Variants in CSMD2 observed in about 807,000 individuals in gnomAD.
CSMD2 encodes CUB and Sushi multiple domains 2, also known as CUB and sushi domain-containing protein 2.
CSMD2 carries 130 observed loss-of-function variants against 398.5 expected under a neutral mutation model. The observed-to-expected ratio is 0.33, with a 90% CI of 0.28 to 0.38. CSMD2 has a LOEUF of 0.38. CSMD2 is among the 10% of genes least tolerant of loss of function. The pLI is 1.00. For synonymous variants in CSMD2, 1,828 were observed against 1,908.5 expected, an observed-to-expected ratio of 0.96 and a Z score of 1.10; for missense variants, 3,829 against 4,764.9, an observed-to-expected ratio of 0.80 and a Z score of 5.78.
At chr1:33,652,668 C>T (rs569615620) in intron 27 of CSMD2, among the ~76,000 whole-genome samples, 11 of 152,312 alleles carry the variant, frequency 7.2e-5, no homozygotes, top group Admixed American at 3.9e-4. Context: ...GGTTGCGCAA[C>T]ATTTCGAAAG....
chr1:34,104,642 C>T (rs1660343834), intron 1 of CSMD2, among the ~76,000 whole-genome samples: 1 of 152,148 alleles, frequency 6.6e-6, no homozygotes, highest in African/African-American at 2.4e-5. Flanking sequence ...ATCATCACGC[C>T]CGCTGAAGGT....
At chr1:33,765,565 C>A (rs1464247604) in intron 13 of CSMD2, among the ~76,000 whole-genome samples, 7 of 152,086 alleles carry the variant, frequency 4.6e-5, no homozygotes, top group Admixed American at 2.0e-4. Context: ...GATGGAGTAA[C>A]AAATTATATT....
intron 5 of CSMD2, among the ~76,000 whole-genome samples, chr1:33,917,160 C>T (rs1467160318): frequency 2.0e-5 from 3 of 152,210 alleles, no homozygotes; most frequent in African/African-American, 7.2e-5. Context: ...GCTATTCCCA[C>T]TGCGGCACCC....
At chr1:33,740,787 G>T (rs1293676690) in intron 14 of CSMD2, among the ~76,000 whole-genome samples, 1 of 152,176 alleles carries the variant, frequency 6.6e-6, no homozygotes, top group Non-Finnish European at 1.5e-5. Flanking sequence ...ACACATGTAG[G>T]CACAGATACA....
intron 3 of CSMD2, among the ~76,000 whole-genome samples, chr1:33,958,219 C>T (rs1380371960): frequency 1.3e-5 from 2 of 152,158 alleles, no homozygotes; most frequent in Non-Finnish European, 2.9e-5. Flanking sequence ...TGATTACTTA[C>T]CCCCTCTCTG....
rs1160250577 is a variant in CSMD2 at position 33,549,664 on chromosome 1, CTAGG to C, written c.8917+509_8917+512del. Among the ~76,000 whole-genome samples, 3 of 152,264 alleles carry C rather than the reference CTAGG, an allele frequency of 2.0e-5. No homozygotes were observed. The East Asian group carries it at 5.8e-4, about 29-fold the overall frequency. ...CAGTAGAGAAGAAGACTGTACCCCA[CTAGG>C]TAGCCAGGACATAGGACAAGTTGAG... is the stretch of plus-strand genomic sequence containing the variant. On this transcript the variant is annotated intron_variant, in intron 56 of 70. Coordinates refer to ENST00000373381, the MANE Select transcript of CSMD2 (RefSeq NM_001281956.2).
chr1:33,883,180 T>G (rs1245945137), intron 5 of CSMD2, among the ~76,000 whole-genome samples: 1 of 152,222 alleles, frequency 6.6e-6, no homozygotes, highest in African/African-American at 2.4e-5. Context: ...TTCCATAGAA[T>G]GGACATTTAG....
intron 52 of CSMD2, among the ~76,000 whole-genome samples, chr1:33,568,848 C>T (rs528315456): frequency 6.6e-6 from 1 of 151,932 alleles, no homozygotes; most frequent in African/African-American, 2.4e-5. Context: ...CTCCAGGGGT[C>T]CAAGAAAGGT....
intron 6 of CSMD2, among the ~76,000 whole-genome samples, chr1:33,841,200 G>C (rs1247697380): frequency 1.3e-5 from 2 of 152,212 alleles, no homozygotes; most frequent in Non-Finnish European, 2.9e-5. Flanking sequence ...GCTGGGATCT[G>C]ACTGAAGGGA....
At chr1:33,606,540 G>A (rs1159162848) in intron 41 of CSMD2, among the ~76,000 whole-genome samples, 2 of 152,242 alleles carry the variant, frequency 1.3e-5, no homozygotes, top group African/African-American at 2.4e-5. Flanking sequence ...CATGGGTGGG[G>A]TGGCTGCTTA....
intron 25 of CSMD2, 29 bp downstream of exon 25, chr1:33,692,901 A>G (rs372342326): frequency 6.2e-7 from 1 of 1,605,828 alleles, no homozygotes; most frequent in Non-Finnish European, 8.5e-7. Context: ...ACAACTGGCG[A>G]TAGTTACTTT....
At chr1:33,618,135 A>G (rs1291609536) in intron 37 of CSMD2, among the ~76,000 whole-genome samples, 1 of 152,146 alleles carries the variant, frequency 6.6e-6, no homozygotes, top group Non-Finnish European at 1.5e-5. Flanking sequence ...GACTCTGAGA[A>G]AAGTGTGTTA....
At chr1:33,745,825 T>C (rs1207137954) in intron 13 of CSMD2, among the ~76,000 whole-genome samples, 2 of 152,218 alleles carry the variant, frequency 1.3e-5, no homozygotes, top group Non-Finnish European at 1.5e-5. Context: ...ATTATTATTA[T>C]ATATTATTGA....
intron 3 of CSMD2, among the ~76,000 whole-genome samples, chr1:34,000,748 T>G (rs1033740257): frequency 6.6e-5 from 10 of 152,142 alleles, no homozygotes; most frequent in African/African-American, 2.2e-4. Context: ...CAAGATGAAT[T>G]CAGAAAACCA....
intron 1 of CSMD2, among the ~76,000 whole-genome samples, chr1:34,119,126 T>C (rs1035279063): frequency 1.3e-5 from 2 of 152,114 alleles, no homozygotes; most frequent in African/African-American, 4.8e-5. Flanking sequence ...ATAAATATAT[T>C]GTCAAATGGT....
At chr1:33,969,526 G>C (rs1645678731) in intron 3 of CSMD2, among the ~76,000 whole-genome samples, 1 of 152,240 alleles carries the variant, frequency 6.6e-6, no homozygotes, top group Non-Finnish European at 1.5e-5. Context: ...ACTATGCTAA[G>C]TGATTTATAA....
intron 3 of CSMD2, among the ~76,000 whole-genome samples, 170 bp downstream of exon 3, chr1:34,032,424 G>GAGGGACAATTTA (rs1553289496): frequency 6.6e-6 from 1 of 152,218 alleles, no homozygotes; most frequent in Non-Finnish European, 1.5e-5. Context: ...TGGGAACCAA[G>GAGGGACAATTTA]AGGGACAATT....
At position 34,164,972 on chromosome 1, in the gene CSMD2, T is replaced by TGGC. The variant is rs1260373952; in HGVS notation, c.123_125dup (p.Pro42dup). The TGGC allele has an allele frequency of 1.6e-6, 2 of 1,214,474 alleles. No individual in the cohort carries two copies. The highest frequency in any genetic ancestry group is 2.0e-6 in the Non-Finnish European group (2 of 977,294). 75.2% of individuals were successfully genotyped at this position (1,214,474 alleles called of 1,614,324 possible). A position where few individuals can be genotyped will look rare whatever the true frequency, so the allele number is the denominator to read the frequency against. On this transcript the variant is annotated inframe_insertion, in exon 1 of 71. Coordinates refer to ENST00000373381, the MANE Select transcript of CSMD2 (RefSeq NM_001281956.2). This position sits in a 1 kb window ranked among gnomAD's most constrained non-coding sequence, Gnocchi z 6.2. The stretch of plus-strand genomic sequence containing the variant: ...GCAACAGCAGCAGAGGCGGCGGCGT[T>TGGC]GGCGGCGGCGGGCGGCCCCAGCGGC...
chr1:33,970,031 G>C (rs548751972), intron 3 of CSMD2, among the ~76,000 whole-genome samples: 12 of 151,900 alleles, frequency 7.9e-5, no homozygotes, highest in South Asian at 2.1e-4. Context: ...GCTTGAACCT[G>C]GGAGGCGGAG....
Sources: gnomAD v4.1 joint callset for allele counts (sites outside exome capture counted in the v4.1 genomes callset) on GRCh38, gnomAD v4.1.1 for gene constraint, Gnocchi (gnomAD v3.1) non-coding constraint, MANE v1.5 for transcripts, NCBI Gene and HGNC (gene_info 2026-07-23, HGNC 2026-07-21) for gene names.